Variants in UTRN observed in about 807,000 individuals in gnomAD.
The protein encoded by UTRN is dystrophin-related protein 1.
Under a neutral mutation model 463.9 loss-of-function variants are expected in UTRN, and 283 were observed. The ratio of observed to expected loss-of-function variants is 0.61; its 90% CI spans 0.55 to 0.67. The LOEUF is 0.67. Ranked by LOEUF, UTRN falls within the 30% of genes least tolerant of loss-of-function variation. The pLI, the probability that UTRN is intolerant of heterozygous loss-of-function variation, is 0.00. For synonymous variants in UTRN, 1,442 were observed against 1,431.5 expected (o/e 1.01, Z -0.17); for missense variants, 3,922 against 4,084.3 (o/e 0.96, Z 1.08).
chr6:144,730,294 G>T, intron 53 of UTRN, 63 bp from the exon 54 acceptor site: 1 of 1,440,078 alleles, frequency 6.9e-7, no homozygotes, highest in Non-Finnish European at 9.2e-7. Context: ...TATAGTTGAA[G>T]ATGTCCCATA....
At chr6:144,600,937 C>T (rs931590185) in intron 51 of UTRN, among the ~76,000 whole-genome samples, 2 of 152,152 alleles carry the variant, frequency 1.3e-5, no homozygotes, top group Non-Finnish European at 2.9e-5. Flanking sequence ...TCCGAAAATC[C>T]TAGGGCCCTT....
intron 51 of UTRN, among the ~76,000 whole-genome samples, chr6:144,627,440 C>T (rs949464511): frequency 7.9e-5 from 12 of 152,024 alleles, no homozygotes; most frequent in Non-Finnish European, 1.0e-4. Flanking sequence ...TTAATATGAT[C>T]TTTTTAAAAA....
At chr6:144,699,409 C>T (rs1451022934) in intron 52 of UTRN, among the ~76,000 whole-genome samples, 3 of 146,930 alleles carry the variant, frequency 2.0e-5, no homozygotes, top group African/African-American at 7.6e-5. Flanking sequence ...CACTGCACTC[C>T]AGCCTGGGTG....
rs377568232 is a variant in UTRN at position 144,682,552 on chromosome 6, C to T, written c.7652+3974C>T. On this transcript the variant is annotated intron_variant, in intron 52 of 74. Coordinates refer to ENST00000367545, the MANE Select transcript of UTRN (RefSeq NM_007124.3). ...GCCCTATTTTTAGTTTTTTGTGGAA[C>T]CTCCAAACTGTTCTCCATAGTGTTT... is the stretch of plus-strand genomic sequence containing the variant. Among the ~76,000 whole-genome samples the T allele has an allele frequency of 4.7e-4, 71 of 152,152 alleles. 2 individuals carry two copies. The highest frequency in any genetic ancestry group is 1.6e-3 in the African/African-American group (67 of 41,520).
chr6:144,835,813 C>G lies in UTRN; in HGVS notation c.9699C>G (p.Cys3233Trp). ...EDEHALIQQY[C>W]QTLGGESPVS... ...AGCACGCCCTCATCCAGCAGTATTGCCAAACACTCGGAGGAGAGTCCCCAG... is the reference window on the plus strand; with the variant it reads ...AGCACGCCCTCATCCAGCAGTATTGGCAAACACTCGGAGGAGAGTCCCCAG... The change falls in exon 70 of 75, where the codon TGC becomes TGG. Residue 3233 changes from cysteine (C) to tryptophan (W), a missense_variant. Physicochemically the swap from Cys to Trp is radical, Grantham distance 215. Transcript: ENST00000367545. 1 of 1,614,076 alleles carries G rather than the reference C, an allele frequency of 6.2e-7. No homozygotes were observed. The highest frequency in any genetic ancestry group is 1.1e-5 in the South Asian group (1 of 91,082).
chr6:144,677,278 C>A (rs1402229587), intron 51 of UTRN, among the ~76,000 whole-genome samples: 13 of 152,036 alleles, frequency 8.6e-5, no homozygotes, highest in Admixed American at 8.5e-4. Flanking sequence ...CGCCCTACCC[C>A]CCGACATCCC....
At chr6:144,460,254 A>T (rs1048561912) in intron 21 of UTRN, among the ~76,000 whole-genome samples, 14 of 152,176 alleles carry the variant, frequency 9.2e-5, no homozygotes, top group African/African-American at 3.4e-4. Flanking sequence ...AGATTTTGAA[A>T]GCTCATCCCT....
At chr6:144,652,041 C>T (rs1399287930) in intron 51 of UTRN, among the ~76,000 whole-genome samples, 1 of 152,084 alleles carries the variant, frequency 6.6e-6, no homozygotes, top group Non-Finnish European at 1.5e-5. Context: ...ATTCCATATT[C>T]TGATTTTAAA....
At chr6:144,468,615 T>TGC (rs1226205671) in intron 23 of UTRN, among the ~76,000 whole-genome samples, 1 of 152,030 alleles carries the variant, frequency 6.6e-6, no homozygotes, top group East Asian at 1.9e-4. Context: ...TGTGTGTGTG[T>TGC]GCATGCGTGT....
intron 66 of UTRN, among the ~76,000 whole-genome samples, chr6:144,825,818 G>A (rs925557870): frequency 5.3e-5 from 8 of 152,088 alleles, no homozygotes; most frequent in Non-Finnish European, 1.2e-4. Flanking sequence ...GAACAGTGAC[G>A]TGGAAATAGT....
intron 50 of UTRN, among the ~76,000 whole-genome samples, chr6:144,564,963 C>A (rs1050608017): frequency 6.6e-6 from 1 of 152,114 alleles, no homozygotes; most frequent in Non-Finnish European, 1.5e-5. Flanking sequence ...AAAATTTAAT[C>A]TCTCTGGATC....
intron 49 of UTRN, among the ~76,000 whole-genome samples, chr6:144,555,715 C>T (rs1423289246): frequency 5.3e-5 from 8 of 152,202 alleles, no homozygotes; most frequent in African/African-American, 1.9e-4. Context: ...GTTAAACCAT[C>T]TGATCTTGTG....
intron 65 of UTRN, among the ~76,000 whole-genome samples, chr6:144,815,533 G>A (rs1212822887): frequency 6.6e-6 from 1 of 152,192 alleles, no homozygotes; most frequent in Non-Finnish European, 1.5e-5. Context: ...GTCTGTGGCC[G>A]AAGGCCCAAG....
intron 25 of UTRN, among the ~76,000 whole-genome samples, chr6:144,477,446 T>TA (rs1442099027): frequency 6.6e-6 from 1 of 152,128 alleles, no homozygotes; most frequent in Admixed American, 6.6e-5. Flanking sequence ...TAAAGAATGA[T>TA]AAAAAGGAAC....
intron 9 of UTRN, among the ~76,000 whole-genome samples, chr6:144,435,405 A>G (rs1786442140): frequency 6.6e-6 from 1 of 152,226 alleles, no homozygotes; most frequent in Non-Finnish European, 1.5e-5. Context: ...GAAAAATACA[A>G]TCAGTACAGC....
At chr6:144,335,205 G>C (rs1178209934) in intron 2 of UTRN, among the ~76,000 whole-genome samples, 1 of 152,198 alleles carries the variant, frequency 6.6e-6, no homozygotes, top group African/African-American at 2.4e-5. Flanking sequence ...AGTTTAATGT[G>C]AAATGGCACA....
At chr6:144,814,545 A>T (rs114047090) in intron 65 of UTRN, among the ~76,000 whole-genome samples, 3 of 152,226 alleles carry the variant, frequency 2.0e-5, no homozygotes, top group Non-Finnish European at 4.4e-5. Flanking sequence ...AAAATTAATT[A>T]TACAACCAAA....
At chr6:144,430,573 G>T (rs375261470) in intron 9 of UTRN, among the ~76,000 whole-genome samples, 2 of 152,024 alleles carry the variant, frequency 1.3e-5, no homozygotes, top group East Asian at 3.8e-4. Flanking sequence ...ACTTGTTTTG[G>T]GTTGTTACTT....
At chr6:144,673,788 G>A (rs1016376569) in intron 51 of UTRN, among the ~76,000 whole-genome samples, 14 of 152,052 alleles carry the variant, frequency 9.2e-5, no homozygotes, top group African/African-American at 1.2e-4. Flanking sequence ...ATTTCAAGTC[G>A]TTTTTCAAGA....
Sources: gnomAD v4.1 joint callset for allele counts (sites outside exome capture counted in the v4.1 genomes callset) on GRCh38, gnomAD v4.1.1 for gene constraint, MANE v1.5 for transcripts, NCBI Gene and HGNC (gene_info 2026-07-23, HGNC 2026-07-21) for gene names.